Variants in MARCHF10 observed in about 807,000 individuals in gnomAD.
MARCHF10 encodes probable E3 ubiquitin-protein ligase MARCHF10.
MARCHF10 carries 64 observed loss-of-function variants against 76.2 expected under a neutral mutation model. The observed-to-expected ratio is 0.84, with a 90% CI of 0.69 to 1.03. MARCHF10 has a LOEUF of 1.03. Ranked by LOEUF, MARCHF10 falls within the 50% of genes least tolerant of loss-of-function variation. MARCHF10 has a pLI of 0.00. For synonymous variants in MARCHF10, 340 were observed against 357.5 expected (o/e 0.95, Z 0.55); for missense variants, 875 against 958.0 (o/e 0.91, Z 1.14).
In MARCHF10 at chr17:62,702,258, G is replaced by T. The variant is rs188028684; in HGVS notation, c.2372-500C>A. Among the ~76,000 whole-genome samples, 1,293 of 152,080 alleles carry T rather than the reference G, an allele frequency of 8.5e-3. 10 individuals carry two copies. Among genetic ancestry groups the T allele is most frequent in the Admixed American group, 0.015 (227 of 15,278 alleles). On this transcript the variant is annotated intron_variant, in intron 10 of 10. Transcript: ENST00000311269. Reference sequence around the variant, plus strand: ...GTGCAGTCCCAGTGGAGGAGGTGGAGTTGGTGGGGGTGGGTGGTCTCCTTT... The same window carrying T: ...GTGCAGTCCCAGTGGAGGAGGTGGATTTGGTGGGGGTGGGTGGTCTCCTTT...
At chr17:62,779,158 G>A (rs2092608992) in intron 3 of MARCHF10, among the ~76,000 whole-genome samples, 1 of 152,160 alleles carries the variant, frequency 6.6e-6, no homozygotes, top group Non-Finnish European at 1.5e-5. Flanking sequence ...GAGGGCGGCT[G>A]TGAAGAACAC....
rs2091248600 is a variant in MARCHF10, at chr17:62,736,074, AT to A, written c.1793del (p.Asn598IlefsTer36). 1 of 1,614,012 alleles carries A rather than the reference AT, an allele frequency of 6.2e-7. No individual in the cohort carries two copies. Among genetic ancestry groups the A allele is most frequent in the South Asian group, 1.1e-5 (1 of 91,086 alleles). On this transcript the variant is annotated frameshift_variant, in exon 6 of 11. Transcript: ENST00000311269. LOFTEE classifies it high-confidence loss of function. ...ACACTGCAAAGAAAGTAAATGGTGT[AT>A]TTTCTTGCAGAGACCCAGACACATG... Reference protein sequence around the residue: ...HLHVSGSLQENTPFTFFAVSH... With the variant: ...HLHVSGSLQEXTPFTFFAVSH...
In MARCHF10 at chr17:62,808,087, G is replaced by T. The variant is rs2093189576; in HGVS notation, c.-28C>A. 2 of 104,510 alleles carry T rather than the reference G, an allele frequency of 1.9e-5. No individual in the cohort carries two copies. The highest frequency in any genetic ancestry group is 7.4e-5 in the African/African-American group (2 of 26,854). 6.5% of individuals were successfully genotyped at this position (104,510 alleles called of 1,614,324 possible). On this transcript the variant is annotated 5_prime_UTR_variant, in exon 1 of 11. Coordinates refer to ENST00000311269, the MANE Select transcript of MARCHF10 (RefSeq NM_152598.4). ...CGAGGGGGCCGTTACCTGTGGGTCT[G>T]CCCTTCCTCCCCTGCCGGGGCTACA... is the stretch of plus-strand genomic sequence containing the variant.
At chr17:62,713,680 T>A (rs1167254699) in intron 8 of MARCHF10, among the ~76,000 whole-genome samples, 1 of 152,254 alleles carries the variant, frequency 6.6e-6, no homozygotes. Context: ...CGCACTTGGC[T>A]GGCCAGGGCC....
chr17:62,776,274 A>T (rs1449990995), intron 3 of MARCHF10, among the ~76,000 whole-genome samples: 1 of 152,228 alleles, frequency 6.6e-6, no homozygotes, highest in East Asian at 1.9e-4. Flanking sequence ...CAACACAGGG[A>T]ACCCTTTGGG....
At chr17:62,725,907 C>T (rs2147732105) in intron 6 of MARCHF10, 1 of 152,384 alleles carries the variant, frequency 6.6e-6, no homozygotes. Context: ...CACCTACTTC[C>T]TAGGGCTGTG....
intron 6 of MARCHF10, among the ~76,000 whole-genome samples, chr17:62,728,038 CAA>C (rs1327053472): frequency 6.6e-6 from 1 of 152,154 alleles, no homozygotes; most frequent in Non-Finnish European, 1.5e-5. Context: ...CCATAAAGGT[CAA>C]AGTTTTTTGT....
intron 7 of MARCHF10, 71 bp from the exon 8 acceptor site, chr17:62,722,668 A>T: frequency 7.9e-7 from 1 of 1,271,740 alleles, no homozygotes; most frequent in Non-Finnish European, 1.1e-6. Flanking sequence ...TGGACAGGTG[A>T]TATTTGGGGA....
chr17:62,738,075 C>CACACACACACACAG lies in MARCHF10; in HGVS notation c.536-744_536-743insCTGTGTGTGTGTGT. ...TCTCTCTCTGTCACACACACACACA[C>CACACACACACACAG]ACACACACACACACACACACACACA... On this transcript the variant is annotated intron_variant, in intron 5 of 10. Transcript: ENST00000311269. The surrounding 1 kb of genome is among the most constrained non-coding windows in gnomAD (Gnocchi z 4.0). 6.6e-6 allele frequency among the ~76,000 whole-genome samples: 1 copy of CACACACACACACAG among 150,690 alleles called. No individual in the cohort carries two copies. The highest frequency in any genetic ancestry group is 1.5e-5 in the Non-Finnish European group (1 of 67,590).
intron 3 of MARCHF10, among the ~76,000 whole-genome samples, chr17:62,781,704 T>C (rs2092661355): frequency 6.6e-6 from 1 of 152,142 alleles, no homozygotes; most frequent in Admixed American, 6.5e-5. Context: ...CTCAAGGCAG[T>C]TGTCTGGAAG....
At chr17:62,734,597 T>C (rs2091182201) in intron 6 of MARCHF10, among the ~76,000 whole-genome samples, 1 of 152,236 alleles carries the variant, frequency 6.6e-6, no homozygotes, top group Non-Finnish European at 1.5e-5. Flanking sequence ...AAATTGCATT[T>C]ATATGCAAAG....
At chr17:62,794,966 C>T (rs2092959067) in intron 2 of MARCHF10, 3 of 958,510 alleles carry the variant, frequency 3.1e-6, no homozygotes, top group Non-Finnish European at 3.7e-6. Flanking sequence ...ATAGTATTCC[C>T]CTCCAGCTAG....
At chr17:62,782,569 A>G (rs182385591) in intron 3 of MARCHF10, among the ~76,000 whole-genome samples, 10 of 152,046 alleles carry the variant, frequency 6.6e-5, no homozygotes, top group African/African-American at 2.4e-4. Context: ...GCTGGTCTTG[A>G]ATTCCTGACC....
intron 4 of MARCHF10, among the ~76,000 whole-genome samples, chr17:62,744,895 C>A (rs1473588017): frequency 1.3e-5 from 2 of 150,290 alleles, no homozygotes; most frequent in Non-Finnish European, 3.0e-5. Flanking sequence ...TGCCTGTAGT[C>A]CCGGAGGCTG....
chr17:62,736,676 T>C lies in MARCHF10; in HGVS notation c.1192A>G (p.Lys398Glu), dbSNP rs1490852026. 6.2e-7 allele frequency: 1 copy of C among 1,614,174 alleles called. No individual in the cohort carries two copies. Among genetic ancestry groups the C allele is most frequent in the Non-Finnish European group, 8.5e-7 (1 of 1,180,022 alleles). ...TTGGTGTCCCACGAAAGAGGGCTCT[T>C]TTTCGCATTTTCACTGCCACCTCTG... is the stretch of plus-strand genomic sequence containing the variant. Reference protein sequence around the residue: ...KDRGGSENAKKSPLSWDTKSE... With the variant: ...KDRGGSENAKESPLSWDTKSE... The change falls in exon 6 of 11, where the codon AAG (lysine) becomes GAG (glutamate). Residue 398 changes from lysine to glutamate, a missense_variant. Lys to Glu is a moderately conservative substitution (Grantham distance 56). Coordinates refer to ENST00000311269, the MANE Select transcript of MARCHF10 (RefSeq NM_152598.4).
chr17:62,735,811 A>G, intron 6 of MARCHF10, 120 bp downstream of exon 6: 5 of 843,516 alleles, frequency 5.9e-6, no homozygotes, highest in Non-Finnish European at 9.0e-6. Flanking sequence ...ATAAGCAACC[A>G]CTAAAATGTC....
intron 3 of MARCHF10, among the ~76,000 whole-genome samples, chr17:62,783,335 A>G (rs185225972): frequency 1.8e-4 from 27 of 152,148 alleles, no homozygotes; most frequent in Non-Finnish European, 4.0e-4. Context: ...CAATGAGAAC[A>G]AAGACACACC....
Position 62,736,662 on chromosome 17 carries a change from C to G in MARCHF10, c.1206G>C (p.Ser402=). 6.2e-7 allele frequency: 1 copy of G among 1,614,120 alleles called. No homozygotes were observed. Among genetic ancestry groups the G allele is most frequent in the Non-Finnish European group, 8.5e-7 (1 of 1,180,028 alleles). ...GTCTGGGCTCGGATTTGGTGTCCCA[C>G]GAAAGAGGGCTCTTTTTCGCATTTT... is the stretch of plus-strand genomic sequence containing the variant. ...GSENAKKSPL[S]WDTKSEPRQE... The change falls in exon 6 of 11, where the codon TCG becomes TCC. Residue 402 remains serine, a synonymous_variant. Coordinates refer to ENST00000311269, the MANE Select transcript of MARCHF10 (RefSeq NM_152598.4).
At chr17:62,732,962 C>T (rs920103458) in intron 6 of MARCHF10, among the ~76,000 whole-genome samples, 3 of 122,532 alleles carry the variant, frequency 2.4e-5, no homozygotes, top group African/African-American at 6.3e-5. Context: ...CACTGCACTT[C>T]AGCCTGGGCA....
Sources: gnomAD v4.1 joint callset for allele counts (sites outside exome capture counted in the v4.1 genomes callset) on GRCh38, gnomAD v4.1.1 for gene constraint, Gnocchi (gnomAD v3.1) non-coding constraint, MANE v1.5 for transcripts, NCBI Gene and HGNC (gene_info 2026-07-23, HGNC 2026-07-21) for gene names.